Variants in AGAP1 observed in about 807,000 individuals in gnomAD.
The protein encoded by AGAP1 is arf-GAP with GTPase, ANK repeat and PH domain-containing protein 1.
Under a neutral mutation model 105.3 loss-of-function variants are expected in AGAP1, and 29 were observed. That is an observed-to-expected ratio of 0.28 (90% CI 0.21 to 0.38). AGAP1 has a LOEUF of 0.38. Ranked by LOEUF, AGAP1 falls within the 10% of genes least tolerant of loss-of-function variation. The pLI is 1.00. For synonymous variants in AGAP1, 509 were observed against 485.9 expected, an observed-to-expected ratio of 1.05 and a Z score of -0.63; for missense variants, 998 against 1,165.1, an observed-to-expected ratio of 0.86 and a Z score of 2.09.
chr2:235,943,381 T>TTTTTTTG (rs56308804), intron 12 of AGAP1, among the ~76,000 whole-genome samples: 20 of 150,678 alleles, frequency 1.3e-4, no homozygotes, highest in Non-Finnish European at 2.5e-4. Flanking sequence ...TTTTTTTTTT[T>TTTTTTTG]GACACAGAGT....
At chr2:235,759,323 C>T (rs887207679) in intron 6 of AGAP1, among the ~76,000 whole-genome samples, 13 of 152,006 alleles carry the variant, frequency 8.6e-5, no homozygotes, top group South Asian at 2.1e-4. Flanking sequence ...CGCCTGCCAC[C>T]ACGCCCGGCT....
chr2:236,067,813 T>G (rs2058386289), intron 16 of AGAP1, among the ~76,000 whole-genome samples: 1 of 151,848 alleles, frequency 6.6e-6, no homozygotes, highest in Non-Finnish European at 1.5e-5. Flanking sequence ...TTCACAAGAG[T>G]CTCATGGAAT....
At chr2:235,775,146 G>C (rs527542231) in intron 6 of AGAP1, among the ~76,000 whole-genome samples, 1 of 152,296 alleles carries the variant, frequency 6.6e-6, no homozygotes, top group Non-Finnish European at 1.5e-5. Flanking sequence ...GGTGAGTGGG[G>C]ACAGAGCCCA....
chr2:235,909,676 C>T (rs1380612177), intron 11 of AGAP1, among the ~76,000 whole-genome samples: 3 of 152,178 alleles, frequency 2.0e-5, no homozygotes, highest in Admixed American at 6.5e-5. Flanking sequence ...GCATTTTCTC[C>T]TGCAGAAAGT....
At position 235,551,121 on chromosome 2, in the gene AGAP1, G is replaced by A. The variant is rs565096850; in HGVS notation, c.163+56272G>A. On this transcript the variant is annotated intron_variant, in intron 1 of 17. Coordinates refer to ENST00000304032, the MANE Select transcript of AGAP1 (RefSeq NM_001037131.3). The surrounding 1 kb of genome is among the most constrained non-coding windows in gnomAD (Gnocchi z 4.8). The stretch of plus-strand genomic sequence containing the variant: ...GAGTTTGCTTCTGAGGAAGAGAAGT[G>A]GGGGGTCGGGGGCATCCCACCTCCC... Among the ~76,000 whole-genome samples the A allele has an allele frequency of 6.6e-6, 1 of 152,210 alleles. No individual in the cohort carries two copies. Among genetic ancestry groups the A allele is most frequent in the Admixed American group, 6.5e-5 (1 of 15,292 alleles).
chr2:235,605,864 A>G (rs1217607645), intron 1 of AGAP1, among the ~76,000 whole-genome samples: 1 of 152,206 alleles, frequency 6.6e-6, no homozygotes, highest in Non-Finnish European at 1.5e-5. Context: ...CAACGCAGGC[A>G]TGCACATCCT....
chr2:235,495,675 G>T (rs1040929820), intron 1 of AGAP1, among the ~76,000 whole-genome samples: 3 of 152,230 alleles, frequency 2.0e-5, no homozygotes, highest in African/African-American at 7.2e-5. Context: ...TCTGCCTTCC[G>T]GGGCTGTGCC....
At chr2:235,852,272 C>T (rs150856622) in intron 9 of AGAP1, among the ~76,000 whole-genome samples, 304 of 152,322 alleles carry the variant, frequency 2.0e-3, no homozygotes, top group Non-Finnish European at 3.4e-3. Context: ...CAGAGACAAG[C>T]GAGGCAGCGG....
At chr2:235,802,946 G>GATGGTT (rs1957598679) in intron 8 of AGAP1, among the ~76,000 whole-genome samples, 1 of 146,860 alleles carries the variant, frequency 6.8e-6, no homozygotes, top group Non-Finnish European at 1.5e-5. Flanking sequence ...TGGTTGTAAT[G>GATGGTT]GTGGTGATGA....
intron 11 of AGAP1, 139 bp downstream of exon 11, chr2:235,909,045 T>C: frequency 1.2e-6 from 1 of 839,118 alleles, no homozygotes; most frequent in Non-Finnish European, 1.8e-6. Flanking sequence ...ACCTGATCAC[T>C]TCTGTGGCTG....
At position 235,662,476 on chromosome 2, in the gene AGAP1, C is replaced by T. The variant is rs1373831345; in HGVS notation, c.164-46703C>T. Among the ~76,000 whole-genome samples the T allele has an allele frequency of 1.3e-5, 2 of 151,258 alleles. No individual in the cohort carries two copies. The highest frequency in any genetic ancestry group is 4.9e-5 in the African/African-American group (2 of 41,152). ...GTGTGGCCATCCCAATTTAGTTTATCATTCCCCTACTTGGTCTGTCTGCCT... is the reference window on the plus strand; with the variant it reads ...GTGTGGCCATCCCAATTTAGTTTATTATTCCCCTACTTGGTCTGTCTGCCT... On this transcript the variant is annotated intron_variant, in intron 1 of 17. Coordinates refer to ENST00000304032, the MANE Select transcript of AGAP1 (RefSeq NM_001037131.3). The surrounding 1 kb of genome is among the most constrained non-coding windows in gnomAD (Gnocchi z 4.2).
intron 12 of AGAP1, among the ~76,000 whole-genome samples, chr2:235,966,301 A>G (rs2054394385): frequency 7.3e-6 from 1 of 137,146 alleles, no homozygotes; most frequent in Admixed American, 7.2e-5. Context: ...GGGATGGAGA[A>G]GAGGGGGGCC....
At chr2:235,606,735 G>T (rs753151810) in intron 1 of AGAP1, among the ~76,000 whole-genome samples, 10 of 152,058 alleles carry the variant, frequency 6.6e-5, no homozygotes, top group Non-Finnish European at 1.3e-4. Flanking sequence ...ATCACCTGAG[G>T]GTCAGGGGAT....
At chr2:235,909,818 C>T (rs971515228) in intron 11 of AGAP1, among the ~76,000 whole-genome samples, 1 of 152,020 alleles carries the variant, frequency 6.6e-6, no homozygotes, top group Non-Finnish European at 1.5e-5. Flanking sequence ...GTCAGGAGTT[C>T]GAGACCAGCC....
intron 1 of AGAP1, among the ~76,000 whole-genome samples, chr2:235,521,150 G>A (rs1189955253): frequency 6.6e-6 from 1 of 152,204 alleles, no homozygotes. Flanking sequence ...CCACCAGAAT[G>A]AGTTCAACGT....
In AGAP1 at chr2:235,732,455, C is replaced by T. The variant is rs751257915; in HGVS notation, c.311-8508C>T. ...TTCAAATTCTCATACTGGAGGTTCTCGTCTCCTGGAATGGCTGTTCTTTCT... is the reference window on the plus strand; with the variant it reads ...TTCAAATTCTCATACTGGAGGTTCTTGTCTCCTGGAATGGCTGTTCTTTCT... On this transcript the variant is annotated intron_variant, in intron 3 of 17. Coordinates refer to ENST00000304032, the MANE Select transcript of AGAP1 (RefSeq NM_001037131.3). This position sits in a 1 kb window ranked among gnomAD's most constrained non-coding sequence, Gnocchi z 4.8. Among the ~76,000 whole-genome samples the T allele has an allele frequency of 1.3e-5, 2 of 152,124 alleles. No homozygotes were observed. The highest frequency in any genetic ancestry group is 4.8e-5 in the African/African-American group (2 of 41,412).
Position 235,744,924 on chromosome 2 carries a change from A to T in AGAP1, c.538+85A>T, listed in dbSNP as rs896298333. On this transcript the variant is annotated intron_variant, in intron 5 of 17. Coordinates refer to ENST00000304032, the MANE Select transcript of AGAP1 (RefSeq NM_001037131.3). This position sits in a 1 kb window ranked among gnomAD's most constrained non-coding sequence, Gnocchi z 5.2. ...TATGGAGGAGTTTAAAAAATGCTTT[A>T]AAGAAGGAAAAATTGCCTACTGAAC... The T allele has an allele frequency of 1.7e-5, 26 of 1,510,396 alleles. No homozygotes were observed. Among genetic ancestry groups the T allele is most frequent in the Non-Finnish European group, 2.3e-5 (26 of 1,120,450 alleles). The allele number at this position is 1,510,396 out of a possible 1,614,324, so 93.6% of individuals were successfully genotyped here. A position where few individuals can be genotyped will look rare whatever the true frequency, so the allele number is the denominator to read the frequency against.
At position 236,107,178 on chromosome 2, in the gene AGAP1, A is replaced by C. The variant is rs148082726; in HGVS notation, c.2115-13014A>C. Among the ~76,000 whole-genome samples, 12 of 141,942 alleles carry C rather than the reference A, an allele frequency of 8.5e-5. No homozygotes were observed. The East Asian group carries it at 1.7e-3, about 20-fold the overall frequency. 93.1% of individuals were successfully genotyped at this position (141,942 alleles called of 152,430 possible). Reference sequence around the variant, plus strand: ...CTTCAGAGGCAGCAGGCCTTGAATCATTGAGCCTCCAGAGGGAAAACTGAA... The same window carrying C: ...CTTCAGAGGCAGCAGGCCTTGAATCCTTGAGCCTCCAGAGGGAAAACTGAA... On this transcript the variant is annotated intron_variant, in intron 16 of 17. Coordinates refer to ENST00000304032, the MANE Select transcript of AGAP1 (RefSeq NM_001037131.3).
At position 236,105,437 on chromosome 2, in the gene AGAP1, G is replaced by A. The variant is rs895866621; in HGVS notation, c.2115-14755G>A. On this transcript the variant is annotated intron_variant, in intron 16 of 17. Coordinates refer to ENST00000304032, the MANE Select transcript of AGAP1 (RefSeq NM_001037131.3). The surrounding 1 kb of genome is among the most constrained non-coding windows in gnomAD (Gnocchi z 4.2). ...CACTTCTGAGGAATGGGAAGTCCAA[G>A]GTCAAGGTGTTGGCTGATTCATTTC... Among the ~76,000 whole-genome samples, 9 of 152,038 alleles carry A rather than the reference G, an allele frequency of 5.9e-5. No individual in the cohort carries two copies. The highest frequency in any genetic ancestry group is 1.0e-4 in the Non-Finnish European group (7 of 68,014).
Sources: gnomAD v4.1 joint callset for allele counts (sites outside exome capture counted in the v4.1 genomes callset) on GRCh38, gnomAD v4.1.1 for gene constraint, Gnocchi (gnomAD v3.1) non-coding constraint, MANE v1.5 for transcripts, NCBI Gene and HGNC (gene_info 2026-07-23, HGNC 2026-07-21) for gene names.